DNER: variants seen among roughly 807,000 people sequenced by gnomAD.
DNER encodes the protein delta/notch like EGF repeat containing.
Under a neutral mutation model 78.2 loss-of-function variants are expected in DNER, and 33 were observed. The ratio of observed to expected loss-of-function variants is 0.42; its 90% confidence interval spans 0.32 to 0.56. The LOEUF (loss-of-function observed/expected upper bound fraction) is 0.56, where lower values mean the gene tolerates loss of function less well. DNER is among the 20% of genes least tolerant of loss of function. DNER has a pLI of 0.11. For missense variants in DNER, 918 were observed against 975.3 expected (o/e 0.94, Z 0.78); for synonymous variants, 417 against 384.8 (o/e 1.08, Z -0.98).
At chr2:229,661,658 T>C (rs1168333065) in intron 1 of DNER, among the ~76,000 whole-genome samples, 2 of 152,200 alleles carry the variant, frequency 1.3e-5, no homozygotes, top group African/African-American at 2.4e-5. Context: ...CAAATGTTAA[T>C]AAAACAAACT....
At chr2:229,634,122 C>T (rs1395963397) in intron 1 of DNER, among the ~76,000 whole-genome samples, 2 of 152,194 alleles carry the variant, frequency 1.3e-5, no homozygotes, top group Non-Finnish European at 1.5e-5. Flanking sequence ...AAGAAGGCAG[C>T]TTAAGGAGGC....
intron 1 of DNER, among the ~76,000 whole-genome samples, chr2:229,680,667 G>A (rs921187084): frequency 6.6e-6 from 1 of 152,222 alleles, no homozygotes; most frequent in Non-Finnish European, 1.5e-5. Flanking sequence ...TGTTGGTCAT[G>A]CAAAATCAAA....
At chr2:229,382,931 C>T (rs1260949801) in intron 11 of DNER, among the ~76,000 whole-genome samples, 5 of 152,158 alleles carry the variant, frequency 3.3e-5, no homozygotes, top group Admixed American at 6.5e-5. Context: ...AGATACTCCT[C>T]GAGAAGAGCA....
chr2:229,478,840 T>C (rs1013022602), intron 6 of DNER, among the ~76,000 whole-genome samples: 3 of 152,162 alleles, frequency 2.0e-5, no homozygotes, highest in Non-Finnish European at 4.4e-5. Context: ...GGGGTACCTG[T>C]GCAGGATGCG....
chr2:229,666,932 T>C (rs945346762), intron 1 of DNER, among the ~76,000 whole-genome samples: 3 of 152,162 alleles, frequency 2.0e-5, no homozygotes, highest in African/African-American at 4.8e-5. Flanking sequence ...AAGCACCTGA[T>C]GGAAACTAAC....
chr2:229,381,180 T>C (rs2106332477), intron 11 of DNER, among the ~76,000 whole-genome samples: 1 of 151,222 alleles, frequency 6.6e-6, no homozygotes, highest in South Asian at 2.1e-4. Context: ...GTCAAGAAAC[T>C]CCCTCCCCTA....
chr2:229,367,142 G>T (rs1692369292), intron 11 of DNER, 23 bp from the exon 12 acceptor site: 2 of 1,613,648 alleles, frequency 1.2e-6, no homozygotes, highest in Non-Finnish European at 1.7e-6. Flanking sequence ...ATAAGCAAAT[G>T]GCTGGGTATG....
intron 5 of DNER, among the ~76,000 whole-genome samples, chr2:229,526,880 A>T (rs543860815): frequency 1.3e-5 from 2 of 152,278 alleles, no homozygotes; most frequent in Admixed American, 1.3e-4. Flanking sequence ...GCCAACACAG[A>T]TCCATCTAGG....
At chr2:229,648,041 G>A (rs988401369) in intron 1 of DNER, among the ~76,000 whole-genome samples, 2 of 152,064 alleles carry the variant, frequency 1.3e-5, no homozygotes, top group African/African-American at 4.8e-5. Flanking sequence ...TATATCATTA[G>A]CCTATCATTA....
At chr2:229,712,337 G>T (rs1699924164) in intron 1 of DNER, among the ~76,000 whole-genome samples, 2 of 152,140 alleles carry the variant, frequency 1.3e-5, no homozygotes, top group African/African-American at 2.4e-5. Flanking sequence ...TCTTTAGGTG[G>T]CACTAAAGAG....
chr2:229,561,552 C>T (rs1285271622), intron 4 of DNER, among the ~76,000 whole-genome samples: 2 of 151,188 alleles, frequency 1.3e-5, no homozygotes, highest in African/African-American at 4.9e-5. Context: ...AAAGAGTGAA[C>T]AAAAAAAAAT....
intron 12 of DNER, among the ~76,000 whole-genome samples, chr2:229,364,633 G>A (rs1408907789): frequency 6.6e-6 from 1 of 152,126 alleles, no homozygotes; most frequent in East Asian, 1.9e-4. Flanking sequence ...CACTGGTGCA[G>A]ATGCTCAGGG....
chr2:229,684,913 A>C lies in DNER; in HGVS notation c.276+29235T>G, dbSNP rs148298887. On this transcript the variant is annotated intron_variant, in intron 1 of 12. Transcript: ENST00000341772. ...TTTTTGAAGAATTATAATGAGAATCAGTAGTTACAGATAATTTCGATGAAA... is the reference window on the plus strand; with the variant it reads ...TTTTTGAAGAATTATAATGAGAATCCGTAGTTACAGATAATTTCGATGAAA... Among the ~76,000 whole-genome samples, 428 of 152,380 alleles carry C rather than the reference A, an allele frequency of 2.8e-3. 1 individual carries two copies. Among genetic ancestry groups the C allele is most frequent in the African/African-American group, 9.3e-3 (387 of 41,596 alleles).
intron 8 of DNER, among the ~76,000 whole-genome samples, chr2:229,426,385 G>C (rs1001574924): frequency 1.3e-4 from 18 of 138,044 alleles, no homozygotes; most frequent in Non-Finnish European, 2.3e-4. Flanking sequence ...AGCTTGCAAT[G>C]AGCCAAGATT....
intron 1 of DNER, among the ~76,000 whole-genome samples, chr2:229,652,464 G>A (rs996839301): frequency 2.0e-5 from 3 of 152,202 alleles, no homozygotes; most frequent in Non-Finnish European, 4.4e-5. Flanking sequence ...CATGGACCAC[G>A]TGCACATCAA....
intron 1 of DNER, among the ~76,000 whole-genome samples, chr2:229,704,833 C>G (rs1699803309): frequency 6.6e-6 from 1 of 152,210 alleles, no homozygotes; most frequent in African/African-American, 2.4e-5. Flanking sequence ...TGAAAAGGGT[C>G]TGGGAATCCT....
chr2:229,488,089 C>T (rs1695315647), intron 6 of DNER, among the ~76,000 whole-genome samples: 1 of 152,226 alleles, frequency 6.6e-6, no homozygotes, highest in African/African-American at 2.4e-5. Context: ...TCCCTTCTCC[C>T]TGGGAGCAAG....
At chr2:229,539,517 A>G (rs1696471998) in intron 5 of DNER, among the ~76,000 whole-genome samples, 2 of 152,244 alleles carry the variant, frequency 1.3e-5, no homozygotes, top group African/African-American at 4.8e-5. Context: ...ATATTTTCTC[A>G]CTATTTTGTA....
At position 229,441,983 on chromosome 2, in the gene DNER, A is replaced by T. The variant is rs534470595; in HGVS notation, c.1486+5333T>A. 2.6e-5 allele frequency among the ~76,000 whole-genome samples: 4 copies of T among 152,316 alleles called. No individual in the cohort carries two copies. In the South Asian group the frequency reaches 8.3e-4, roughly 32 times the overall value. On this transcript the variant is annotated intron_variant, in intron 8 of 12. Coordinates refer to ENST00000341772, the MANE Select transcript of DNER (RefSeq NM_139072.4). ...CAGATTTAAACATTCTCTAAAGCAG[A>T]GCACAGATTATGAAGAGTAAAGCAA...
Sources: gnomAD v4.1 joint callset for allele counts (sites outside exome capture counted in the v4.1 genomes callset) on GRCh38, gnomAD v4.1.1 for gene constraint, MANE v1.5 for transcripts, NCBI Gene and HGNC (gene_info 2026-07-23, HGNC 2026-07-21) for gene names.